PTPRN2: variants seen among roughly 807,000 people sequenced by gnomAD.
The protein encoded by PTPRN2 is protein tyrosine phosphatase receptor type N2.
PTPRN2 carries 74 observed loss-of-function variants against 118.8 expected under a neutral mutation model. The ratio of observed to expected loss-of-function variants is 0.62; its 90% CI spans 0.52 to 0.76. The LOEUF (loss-of-function observed/expected upper bound fraction) is 0.76, where lower values mean the gene tolerates loss of function less well. PTPRN2 is among the 30% of genes least tolerant of loss of function. The probability of loss-of-function intolerance (pLI) is 0.00; values close to 1 mark genes in which losing one functional copy is unlikely to be tolerated. For synonymous variants in PTPRN2, 641 were observed against 608.0 expected, an observed-to-expected ratio of 1.05 and a Z score of -0.80; for missense variants, 1,481 against 1,394.4, an observed-to-expected ratio of 1.06 and a Z score of -0.99.
chr7:157,714,620 G>C (rs888957144), intron 12 of PTPRN2, among the ~76,000 whole-genome samples: 2 of 152,182 alleles, frequency 1.3e-5, no homozygotes, highest in African/African-American at 4.8e-5. Flanking sequence ...TCTGGTATTT[G>C]CAGGAATCCC....
chr7:157,916,979 T>C (rs1426756136), intron 11 of PTPRN2, among the ~76,000 whole-genome samples: 3 of 127,410 alleles, frequency 2.4e-5, no homozygotes, highest in Admixed American at 2.3e-4. Context: ...GTCCCCACCA[T>C]GGCAGGGGCT....
In PTPRN2 at chr7:158,213,612, T is replaced by A. The variant is rs539131641; in HGVS notation, c.278-8339A>T. On this transcript the variant is annotated intron_variant, in intron 3 of 22. Transcript: ENST00000389418. ...ATGTACTTAATAATAATCAAGTCTA[T>A]CCCATTTGCCAAAGCAACTTAAAAA... 9.2e-5 allele frequency among the ~76,000 whole-genome samples: 14 copies of A among 152,290 alleles called. No homozygotes were observed. The South Asian group carries it at 2.9e-3, about 32-fold the overall frequency.
intron 12 of PTPRN2, among the ~76,000 whole-genome samples, chr7:157,725,722 T>G: frequency 2.2e-5 from 1 of 45,230 alleles, no homozygotes. Flanking sequence ...TGCAGAGGAG[T>G]GAGCCAGACC....
Position 158,463,656 on chromosome 7 carries a change from G to A in PTPRN2, c.163+26079C>T, listed in dbSNP as rs115305738. On this transcript the variant is annotated intron_variant, in intron 2 of 22. Coordinates refer to ENST00000389418, the MANE Select transcript of PTPRN2 (RefSeq NM_002847.5). ...CACCATCATCATCATCACCATCATC[G>A]TCATCACCATATCATCACTATCTTC... 3.2e-3 allele frequency among the ~76,000 whole-genome samples: 488 copies of A among 151,054 alleles called. 2 individuals carry two copies. The highest frequency in any genetic ancestry group is 0.011 in the African/African-American group (463 of 41,080).
At chr7:157,718,567 C>A (rs973081975) in intron 12 of PTPRN2, among the ~76,000 whole-genome samples, 3 of 150,500 alleles carry the variant, frequency 2.0e-5, no homozygotes, top group Non-Finnish European at 3.0e-5. Context: ...AGCCTCTCTC[C>A]GTGGCCCTGT....
intron 2 of PTPRN2, among the ~76,000 whole-genome samples, chr7:158,384,362 C>T (rs1344958702): frequency 1.3e-5 from 2 of 152,154 alleles, no homozygotes; most frequent in African/African-American, 4.8e-5. Flanking sequence ...ATGTGGGGAC[C>T]GCGGGCTGTA....
chr7:158,337,115 G>GTC (rs1321615101), intron 2 of PTPRN2, among the ~76,000 whole-genome samples: 6 of 151,294 alleles, frequency 4.0e-5, no homozygotes, highest in African/African-American at 7.3e-5. Context: ...CATAAGAGCT[G>GTC]AGGCCCACAG....
At chr7:157,841,566 T>C (rs1808422143) in intron 12 of PTPRN2, among the ~76,000 whole-genome samples, 1 of 152,074 alleles carries the variant, frequency 6.6e-6, no homozygotes, top group South Asian at 2.1e-4. Flanking sequence ...AAACTGCCCA[T>C]TAAGGGCCAG....
intron 11 of PTPRN2, among the ~76,000 whole-genome samples, chr7:158,054,766 C>T (rs374823337): frequency 6.6e-6 from 1 of 152,252 alleles, no homozygotes; most frequent in Non-Finnish European, 1.5e-5. Flanking sequence ...CACCGTCAGC[C>T]CTGCCTTCCA....
rs181231252 is a variant in PTPRN2 at position 157,881,110 on chromosome 7, T to G, written c.1788+17563A>C. 1.8e-4 allele frequency among the ~76,000 whole-genome samples: 26 copies of G among 144,042 alleles called. No homozygotes were observed. In the East Asian group the frequency reaches 3.5e-3, roughly 19 times the overall value. 94.5% of individuals were successfully genotyped at this position (144,042 alleles called of 152,430 possible). On this transcript the variant is annotated intron_variant, in intron 12 of 22. Coordinates refer to ENST00000389418, the MANE Select transcript of PTPRN2 (RefSeq NM_002847.5). The surrounding 1 kb of genome is among the most constrained non-coding windows in gnomAD (Gnocchi z 4.7). ...TATGTGGAGATGGGGGTGTTTACAGTAGTCATTATGATAAAATGAAGTCAT... is the reference window on the plus strand; with the variant it reads ...TATGTGGAGATGGGGGTGTTTACAGGAGTCATTATGATAAAATGAAGTCAT...
intron 21 of PTPRN2, among the ~76,000 whole-genome samples, chr7:157,563,504 T>G (rs1267556306): frequency 5.2e-5 from 6 of 115,156 alleles, no homozygotes; most frequent in Non-Finnish European, 1.0e-4. Flanking sequence ...CAGGACCACG[T>G]GGTCCCGCAT....
rs1043386001 is a variant in PTPRN2, at chr7:158,022,545, T to C, written c.1723+58753A>G. ...TCTGGGGCAGCCCGTAATGTGTTCA[T>C]AGCCAAGGCCCCGGCACCCGGGCAC... On this transcript the variant is annotated intron_variant, in intron 11 of 22. Transcript: ENST00000389418. The surrounding 1 kb of genome is among the most constrained non-coding windows in gnomAD (Gnocchi z 4.6). Among the ~76,000 whole-genome samples, 1 of 150,266 alleles carries C rather than the reference T, an allele frequency of 6.7e-6. No homozygotes were observed. Among genetic ancestry groups the C allele is most frequent in the Non-Finnish European group, 1.5e-5 (1 of 67,538 alleles).
chr7:157,855,295 C>A (rs774007216), intron 12 of PTPRN2, among the ~76,000 whole-genome samples: 1 of 152,172 alleles, frequency 6.6e-6, no homozygotes, highest in African/African-American at 2.4e-5. Flanking sequence ...CCCCAACCCA[C>A]GCGCCGGCTT....
chr7:157,603,390 C>T lies in PTPRN2; in HGVS notation c.2418+612G>A, dbSNP rs1385036944. On this transcript the variant is annotated intron_variant, in intron 16 of 22. Coordinates refer to ENST00000389418, the MANE Select transcript of PTPRN2 (RefSeq NM_002847.5). The surrounding 1 kb of genome is among the most constrained non-coding windows in gnomAD (Gnocchi z 5.4). The stretch of plus-strand genomic sequence containing the variant: ...GAGGAGCCCCTGGGAAGTGAGGGAC[C>T]ACAGGCCACAGGGACTCATAACTCA... Among the ~76,000 whole-genome samples, 1 of 152,156 alleles carries T rather than the reference C, an allele frequency of 6.6e-6. No individual in the cohort carries two copies.
intron 2 of PTPRN2, among the ~76,000 whole-genome samples, chr7:158,337,618 G>A (rs1464892080): frequency 7.0e-5 from 8 of 113,492 alleles, no homozygotes; most frequent in African/African-American, 6.7e-5. Flanking sequence ...CACCATAAGA[G>A]GAGACACCTG....
chr7:157,821,551 A>G (rs1391461398), intron 12 of PTPRN2, among the ~76,000 whole-genome samples: 1 of 152,210 alleles, frequency 6.6e-6, no homozygotes, highest in Non-Finnish European at 1.5e-5. Flanking sequence ...AAGTTTTGAG[A>G]AGGGGCTTAT....
At chr7:158,233,992 A>T (rs138941200) in intron 3 of PTPRN2, among the ~76,000 whole-genome samples, 3 of 152,234 alleles carry the variant, frequency 2.0e-5, no homozygotes, top group Non-Finnish European at 2.9e-5. Flanking sequence ...AAAGGCTTAA[A>T]TATAAGACCC....
chr7:158,104,617 T>C (rs1815513907), intron 10 of PTPRN2, among the ~76,000 whole-genome samples: 1 of 151,982 alleles, frequency 6.6e-6, no homozygotes, highest in Non-Finnish European at 1.5e-5. Flanking sequence ...CCACCCATGA[T>C]CACAACCATC....
intron 11 of PTPRN2, among the ~76,000 whole-genome samples, chr7:157,915,737 T>C (rs1309903605): frequency 6.6e-6 from 1 of 152,188 alleles, no homozygotes; most frequent in African/African-American, 2.4e-5. Flanking sequence ...ACATCAGTCA[T>C]CCACTGATGT....
Sources: allele counts gnomAD v4.1 joint callset (sites outside exome capture counted in the v4.1 genomes callset), GRCh38; gene constraint gnomAD v4.1.1; non-coding constraint Gnocchi (gnomAD v3.1); transcripts MANE v1.5; gene names NCBI Gene and HGNC (gene_info 2026-07-23, HGNC 2026-07-21).